The following PHC2 variants were observed in gnomAD, a reference collection of about 807,000 sequenced individuals.
PHC2 encodes the protein polyhomeotic homolog 2, also known as polyhomeotic-like protein 2.
PHC2 carries 29 observed loss-of-function variants against 87.4 expected under a neutral mutation model. The ratio of observed to expected loss-of-function variants is 0.33; its 90% CI spans 0.25 to 0.45. PHC2 has a LOEUF of 0.45. Ranked by LOEUF, PHC2 falls within the 20% of genes least tolerant of loss-of-function variation. PHC2 has a pLI of 1.00. For synonymous variants in PHC2, 438 were observed against 461.7 expected, an observed-to-expected ratio of 0.95 and a Z score of 0.66; for missense variants, 857 against 1,136.7, an observed-to-expected ratio of 0.75 and a Z score of 3.54.
intron 9 of PHC2, among the ~76,000 whole-genome samples, chr1:33,338,759 G>A (rs188504797): frequency 2.6e-5 from 4 of 152,282 alleles, no homozygotes; most frequent in South Asian, 2.1e-4. Flanking sequence ...AAGTGCTGCC[G>A]GGCATTCCCA....
chr1:33,407,384 G>A lies in PHC2; in HGVS notation c.-55+23592C>T, dbSNP rs996251321. On this transcript the variant is annotated intron_variant, in intron 1 of 14. Transcript: ENST00000683057. ...GGTTAATAAATGTCCAAAGATAATG[G>A]CTCCATTCTCTAGAAATGATTTTTT... 9.9e-5 allele frequency among the ~76,000 whole-genome samples: 15 copies of A among 152,130 alleles called. 1 individual carries two copies. The highest frequency in any genetic ancestry group is 1.5e-5 in the Non-Finnish European group (1 of 68,034).
chr1:33,326,948 C>CAAAAACA (rs1646384616), intron 14 of PHC2, among the ~76,000 whole-genome samples: 1 of 151,806 alleles, frequency 6.6e-6, no homozygotes, highest in South Asian at 2.1e-4. Flanking sequence ...GCCTCTATCT[C>CAAAAACA]AAAAACAAAA....
Position 33,349,675 on chromosome 1 carries a change from G to C in PHC2, c.1558+4726C>G, listed in dbSNP as rs1646921996. 2 of 983,546 alleles carry C rather than the reference G, an allele frequency of 2.0e-6. No individual in the cohort carries two copies. The highest frequency in any genetic ancestry group is 2.4e-6 in the Non-Finnish European group (2 of 830,126). The allele number at this position is 983,546 out of a possible 1,614,324, so 60.9% of individuals were successfully genotyped here. A position where few individuals can be genotyped will look rare whatever the true frequency, so the allele number is the denominator to read the frequency against. ...CGGGCGCCGACTCGCGCGGGGTCCC[G>C]GGCCCGGGCGGGCCGCCTCCTCTCC... On this transcript the variant is annotated intron_variant, in intron 9 of 14. Transcript: ENST00000683057. The surrounding 1 kb of genome is among the most constrained non-coding windows in gnomAD (Gnocchi z 4.2).
chr1:33,336,281 G>T (rs966273769), intron 9 of PHC2, among the ~76,000 whole-genome samples: 2 of 151,908 alleles, frequency 1.3e-5, no homozygotes, highest in African/African-American at 4.8e-5. Context: ...GAGCCACCGC[G>T]CCCAGCCTCA....
chr1:33,344,907 TA>T (rs201363990), intron 9 of PHC2, among the ~76,000 whole-genome samples: 9 of 151,788 alleles, frequency 5.9e-5, no homozygotes, highest in South Asian at 4.2e-4. Flanking sequence ...TTTTTTTTTT[TA>T]AAGTAGTTGC....
At chr1:33,415,113 C>T (rs748259755) in intron 1 of PHC2, among the ~76,000 whole-genome samples, 1 of 152,170 alleles carries the variant, frequency 6.6e-6, no homozygotes, top group Non-Finnish European at 1.5e-5. Flanking sequence ...GGGAATGGAT[C>T]TCACCGAGTC....
rs1197032357 is a variant in PHC2, at chr1:33,368,954, AGAG to A, written c.577-335_577-333del. ...GAACCCTCTGTGAGGGGCTCATCCTAGAGGAGACCGATATCCCCAGGATACGCT... is the reference window on the plus strand; with the variant it reads ...GAACCCTCTGTGAGGGGCTCATCCTAGAGACCGATATCCCCAGGATACGCT... On this transcript the variant is annotated intron_variant, in intron 5 of 14. Coordinates refer to ENST00000683057, the MANE Select transcript of PHC2 (RefSeq NM_001385109.1). This position sits in a 1 kb window ranked among gnomAD's most constrained non-coding sequence, Gnocchi z 6.6. 1.3e-5 allele frequency among the ~76,000 whole-genome samples: 2 copies of A among 152,206 alleles called. No individual in the cohort carries two copies. The highest frequency in any genetic ancestry group is 4.8e-5 in the African/African-American group (2 of 41,526).
At chr1:33,370,114 G>A (rs1647729692) in intron 5 of PHC2, among the ~76,000 whole-genome samples, 1 of 152,126 alleles carries the variant, frequency 6.6e-6, no homozygotes, top group Non-Finnish European at 1.5e-5. Flanking sequence ...GAACCACTCT[G>A]CCCATCCTGA....
chr1:33,377,891 T>C (rs997964624), intron 1 of PHC2, among the ~76,000 whole-genome samples: 2 of 152,108 alleles, frequency 1.3e-5, no homozygotes, highest in Admixed American at 6.6e-5. Flanking sequence ...GACAGGAATG[T>C]TGGGAGTCTG....
intron 12 of PHC2, among the ~76,000 whole-genome samples, chr1:33,330,912 A>T (rs950973749): frequency 6.6e-6 from 1 of 152,228 alleles, no homozygotes; most frequent in African/African-American, 2.4e-5. Context: ...GTATCAATTG[A>T]CTGGCACAGT....
At chr1:33,376,265 C>G (rs1334357040) in intron 1 of PHC2, among the ~76,000 whole-genome samples, 2 of 152,168 alleles carry the variant, frequency 1.3e-5, no homozygotes, top group Non-Finnish European at 2.9e-5. Context: ...GAACTCCTGC[C>G]CCTGAGTGAT....
intron 9 of PHC2, chr1:33,346,921 A>T (rs1646855049): frequency 1.0e-6 from 1 of 985,370 alleles, no homozygotes; most frequent in Non-Finnish European, 1.2e-6. Context: ...TTTTTCCTTA[A>T]ATAAGAAAAT....
chr1:33,411,559 G>T (rs1169253966), intron 1 of PHC2, among the ~76,000 whole-genome samples: 1 of 151,726 alleles, frequency 6.6e-6, no homozygotes, highest in Non-Finnish European at 1.5e-5. Context: ...TCATCTTTTA[G>T]TTTTATTTTT....
chr1:33,329,387 A>G (rs1646439753), intron 13 of PHC2, among the ~76,000 whole-genome samples: 1 of 152,198 alleles, frequency 6.6e-6, no homozygotes, highest in South Asian at 2.1e-4. Flanking sequence ...GTTTTAAAGC[A>G]GGGCTCTGAG....
intron 9 of PHC2, among the ~76,000 whole-genome samples, chr1:33,339,018 T>C (rs1186368904): frequency 6.6e-6 from 1 of 152,216 alleles, no homozygotes; most frequent in Non-Finnish European, 1.5e-5. Context: ...TTCTCATTTC[T>C]GGTCTCATTC....
intron 1 of PHC2, among the ~76,000 whole-genome samples, chr1:33,429,316 T>A (rs564663240): frequency 3.3e-5 from 5 of 152,242 alleles, no homozygotes; most frequent in African/African-American, 9.6e-5. Context: ...GTGCTGGGAA[T>A]AAGAAATTCT....
intron 1 of PHC2, among the ~76,000 whole-genome samples, chr1:33,395,928 A>G (rs567491554): frequency 5.6e-4 from 86 of 152,368 alleles, no homozygotes; most frequent in African/African-American, 1.8e-3. Flanking sequence ...ACTTCCTAGT[A>G]TTAGACTAAA....
chr1:33,356,820 G>A (rs1231248884), intron 7 of PHC2, among the ~76,000 whole-genome samples: 4 of 152,200 alleles, frequency 2.6e-5, no homozygotes, highest in Non-Finnish European at 5.9e-5. Context: ...CCTCCCAGAC[G>A]GGGTGGCGGC....
chr1:33,354,691 TG>T, intron 8 of PHC2, 125 bp from the exon 9 acceptor site: 1 of 1,305,950 alleles, frequency 7.7e-7, no homozygotes. Context: ...ATCCTCAAAT[TG>T]GGGAAGGCCC....
Sources: gnomAD v4.1 joint callset for allele counts (sites outside exome capture counted in the v4.1 genomes callset) on GRCh38, gnomAD v4.1.1 for gene constraint, Gnocchi (gnomAD v3.1) non-coding constraint, MANE v1.5 for transcripts, NCBI Gene and HGNC (gene_info 2026-07-23, HGNC 2026-07-21) for gene names.